The following ENTREP2 variants were observed in gnomAD, a reference collection of about 807,000 sequenced individuals.
The protein encoded by ENTREP2 is endosomal transmembrane epsin interactor 2.
the ENTREP2 span, among the ~76,000 whole-genome samples, chr15:29,318,019 A>G: frequency 6.6e-6 from 1 of 152,288 alleles, no homozygotes; most frequent in South Asian, 2.1e-4. Context: ...TCTCACAGGC[A>G]ACAAAACACT....
the ENTREP2 span, among the ~76,000 whole-genome samples, chr15:29,270,272 C>T: frequency 6.6e-6 from 1 of 152,208 alleles, no homozygotes; most frequent in Admixed American, 6.5e-5. Context: ...ATCCCACTGC[C>T]CCCAGTTACT....
the ENTREP2 span, among the ~76,000 whole-genome samples, chr15:29,571,205 C>T: frequency 6.6e-6 from 1 of 152,020 alleles, no homozygotes; most frequent in Non-Finnish European, 1.5e-5. Flanking sequence ...CGCCTCGCGC[C>T]CTGGCGGCTG....
the ENTREP2 span, among the ~76,000 whole-genome samples, chr15:29,660,683 A>ATT: frequency 6.6e-6 from 1 of 152,220 alleles, no homozygotes; most frequent in African/African-American, 2.4e-5. Context: ...TAGTAGTGCA[A>ATT]ATACACTCTG....
At chr15:29,299,832 T>G in the ENTREP2 span, among the ~76,000 whole-genome samples, 1 of 152,002 alleles carries the variant, frequency 6.6e-6, no homozygotes, top group South Asian at 2.1e-4. Context: ...ACACAAACAT[T>G]AGCTGTTGAT....
the ENTREP2 span, among the ~76,000 whole-genome samples, chr15:29,290,944 A>G: frequency 1.3e-5 from 2 of 152,214 alleles, no homozygotes; most frequent in Admixed American, 1.3e-4. Context: ...CAGTGTTCAC[A>G]GAACATCCAT....
chr15:29,338,380 C>T, the ENTREP2 span, among the ~76,000 whole-genome samples: 4 of 148,468 alleles, frequency 2.7e-5, no homozygotes, highest in South Asian at 4.3e-4. Context: ...GAGCCAAGAT[C>T]GCGCCACTGC....
the ENTREP2 span, among the ~76,000 whole-genome samples, chr15:29,324,707 T>C: frequency 6.6e-6 from 1 of 152,118 alleles, no homozygotes; most frequent in Non-Finnish European, 1.5e-5. Context: ...CAAGAAGACA[T>C]AACAATCCTT....
the ENTREP2 span, among the ~76,000 whole-genome samples, chr15:29,331,864 C>T: frequency 2.6e-5 from 4 of 152,222 alleles, no homozygotes; most frequent in African/African-American, 9.6e-5. Context: ...CCACACCCAT[C>T]ACACCTGCAG....
At chr15:29,252,774 T>C in the ENTREP2 span, among the ~76,000 whole-genome samples, 1 of 152,204 alleles carries the variant, frequency 6.6e-6, no homozygotes, top group Admixed American at 6.5e-5. Flanking sequence ...GTGCATTATA[T>C]ACTCTTAACA....
the ENTREP2 span, among the ~76,000 whole-genome samples, chr15:29,125,606 G>T: frequency 6.6e-6 from 1 of 152,226 alleles, no homozygotes; most frequent in Admixed American, 6.5e-5. Flanking sequence ...CAATGGCATG[G>T]AGGTCAAAGG....
the ENTREP2 span, among the ~76,000 whole-genome samples, chr15:29,336,732 G>C: frequency 6.4e-4 from 97 of 152,324 alleles, 1 homozygote; most frequent in South Asian, 0.02. Flanking sequence ...CTCAGGTCAA[G>C]TCCATGTCAT....
the ENTREP2 span, among the ~76,000 whole-genome samples, chr15:29,542,883 T>C: frequency 6.6e-6 from 1 of 152,348 alleles, no homozygotes; most frequent in East Asian, 1.9e-4. Context: ...AGTCTATCCA[T>C]GTCATAGTAT....
At chr15:29,670,187 G>A in the ENTREP2 span, among the ~76,000 whole-genome samples, 1 of 152,180 alleles carries the variant, frequency 6.6e-6, no homozygotes, top group South Asian at 2.1e-4. Context: ...ATCCATGGTG[G>A]GGGCTGGGGA....
the ENTREP2 span, among the ~76,000 whole-genome samples, chr15:29,647,544 T>C: frequency 6.6e-6 from 1 of 152,192 alleles, no homozygotes; most frequent in Non-Finnish European, 1.5e-5. Context: ...GTGAGAGACC[T>C]TTCTCAGCCT....
chr15:29,400,239 C>T, the ENTREP2 span, among the ~76,000 whole-genome samples: 2 of 152,090 alleles, frequency 1.3e-5, no homozygotes, highest in African/African-American at 4.8e-5. Flanking sequence ...AACAGCTTTC[C>T]TACATATGTG....
the ENTREP2 span, among the ~76,000 whole-genome samples, chr15:29,653,836 G>C: frequency 6.6e-6 from 1 of 151,562 alleles, no homozygotes; most frequent in Non-Finnish European, 1.5e-5. Context: ...TCCAGAGAGA[G>C]CTTACGCTTA....
the ENTREP2 span, among the ~76,000 whole-genome samples, chr15:29,434,631 C>G: frequency 1.3e-5 from 2 of 152,102 alleles, no homozygotes; most frequent in Non-Finnish European, 2.9e-5. Flanking sequence ...CAGGTTTGAC[C>G]TGAAGCATAC....
chr15:29,635,077 T>C, the ENTREP2 span, among the ~76,000 whole-genome samples: 1 of 152,056 alleles, frequency 6.6e-6, no homozygotes, highest in Non-Finnish European at 1.5e-5. Context: ...TCTCCTGACC[T>C]CATGATCTGC....
chr15:29,133,239 C>G, the ENTREP2 span, among the ~76,000 whole-genome samples: 1 of 152,136 alleles, frequency 6.6e-6, no homozygotes, highest in Non-Finnish European at 1.5e-5. Context: ...CTCTACCTAC[C>G]ATCCCATCTT....
Sources: gnomAD v4.1 joint callset for allele counts (sites outside exome capture counted in the v4.1 genomes callset) on GRCh38, gnomAD v4.1.1 for gene constraint, MANE v1.5 for transcripts, NCBI Gene and HGNC (gene_info 2026-07-23, HGNC 2026-07-21) for gene names.